The following MGA variants were observed in gnomAD, a reference collection of about 807,000 sequenced individuals.
MGA encodes the protein MAX gene-associated protein.
Under a neutral mutation model 261.1 loss-of-function variants are expected in MGA, and 40 were observed. That is an observed-to-expected ratio of 0.15 (90% CI 0.12 to 0.20). MGA has a LOEUF of 0.20. Ranked by LOEUF, MGA falls within the 10% of genes least tolerant of loss-of-function variation. The pLI is 1.00. For missense variants in MGA, 3,397 were observed against 3,630.5 expected, an observed-to-expected ratio of 0.94 and a Z score of 1.65; for synonymous variants, 1,302 against 1,290.6, an observed-to-expected ratio of 1.01 and a Z score of -0.19.
In MGA at chr15:41,711,369, T is replaced by G; in HGVS notation, c.3084+20T>G. ...GCTCAAGTAAGTAGCTGCTGTTTTC[T>G]GGAGGTATATTAGTGCTTGGCTAGA... On this transcript the variant is annotated intron_variant, in intron 8 of 23. Coordinates refer to ENST00000219905, the MANE Select transcript of MGA (RefSeq NM_001164273.2). The G allele has an allele frequency of 1.3e-6, 2 of 1,567,480 alleles. No homozygotes were observed. Among genetic ancestry groups the G allele is most frequent in the Non-Finnish European group, 1.7e-6 (2 of 1,159,046 alleles).
chr15:41,732,381 G>T (rs2695166), intron 11 of MGA, among the ~76,000 whole-genome samples: 1 of 151,966 alleles, frequency 6.6e-6, no homozygotes, highest in Non-Finnish European at 1.5e-5. Context: ...GTCTCCTGAC[G>T]TCGTGATCCG....
At chr15:41,723,512 C>G (rs2061065200) in intron 9 of MGA, among the ~76,000 whole-genome samples, 1 of 152,142 alleles carries the variant, frequency 6.6e-6, no homozygotes, top group Admixed American at 6.6e-5. Flanking sequence ...ATCTCCCTGG[C>G]TCAAGCGGTC....
intron 9 of MGA, among the ~76,000 whole-genome samples, chr15:41,716,584 A>G (rs2060650610): frequency 6.6e-6 from 1 of 152,200 alleles, no homozygotes; most frequent in Non-Finnish European, 1.5e-5. Context: ...GAAAAAATAT[A>G]AAAACTGGAA....
Position 41,766,451 on chromosome 15 carries a change from TGGA to T in MGA, c.8370_8372del (p.Met2790_Glu2791delinsIle), listed in dbSNP as rs767924595. ...GATCTCAAGGACTCAAGCATAGAGA[TGGA>T]ACTGAGGAAAGTAACATCAGCTATA... On this transcript the variant is annotated inframe_deletion, in exon 24 of 24. Coordinates refer to ENST00000219905, the MANE Select transcript of MGA (RefSeq NM_001164273.2). 4.3e-6 allele frequency: 7 copies of T among 1,613,962 alleles called. No homozygotes were observed. The South Asian group carries it at 7.7e-5, about 18-fold the overall frequency.
At chr15:41,694,729 G>C (rs1208069919) in intron 2 of MGA, among the ~76,000 whole-genome samples, 1 of 152,014 alleles carries the variant, frequency 6.6e-6, no homozygotes, top group East Asian at 1.9e-4. Context: ...AGCCAGGATG[G>C]TCTTGATCTC....
chr15:41,622,352 ATAATT>A (rs912421790), intron 1 of MGA, among the ~76,000 whole-genome samples: 33 of 152,126 alleles, frequency 2.2e-4, no homozygotes, highest in African/African-American at 7.5e-4. Context: ...TGCAGATAAA[ATAATT>A]TAACAAATTC....
intron 1 of MGA, among the ~76,000 whole-genome samples, chr15:41,637,732 C>T (rs2056738512): frequency 6.6e-6 from 1 of 151,870 alleles, no homozygotes; most frequent in Non-Finnish European, 1.5e-5. Context: ...TGTTAGGATA[C>T]TGGGATATGG....
chr15:41,668,786 A>G (rs2057902868), intron 1 of MGA, 42 bp from the exon 2 acceptor site: 2 of 692,938 alleles, frequency 2.9e-6, no homozygotes, highest in Non-Finnish European at 4.8e-6. Context: ...ACTTGATTAA[A>G]GGGTGTTTTT....
chr15:41,755,505 CA>C (rs1164503942), intron 18 of MGA, among the ~76,000 whole-genome samples: 5 of 152,050 alleles, frequency 3.3e-5, no homozygotes, highest in Admixed American at 1.3e-4. Context: ...TGGCAACAAA[CA>C]AAAACTCTAA....
intron 5 of MGA, among the ~76,000 whole-genome samples, chr15:41,699,876 T>C (rs1450425022): frequency 6.6e-6 from 1 of 152,118 alleles, no homozygotes; most frequent in Non-Finnish European, 1.5e-5. Flanking sequence ...TGCAAACATC[T>C]ATTTTATATA....
chr15:41,696,196 T>G lies in MGA; in HGVS notation c.1186T>G (p.Cys396Gly). The change falls in exon 3 of 24, where the codon TGC (cysteine) becomes GGC (glycine). Residue 396 changes from cysteine to glycine, a missense_variant. Physicochemically the swap from Cys to Gly is radical, Grantham distance 159. Transcript: ENST00000219905. The stretch of plus-strand genomic sequence containing the variant: ...TGATTATGACTACGAACTTGGTGAG[T>G]GCCCAGAAGGGGTCACTGTGAAACA... 6.2e-7 allele frequency: 1 copy of G among 1,613,796 alleles called. No homozygotes were observed. The highest frequency in any genetic ancestry group is 8.5e-7 in the Non-Finnish European group (1 of 1,179,860).
At chr15:41,717,680 A>G (rs1020917657) in intron 9 of MGA, among the ~76,000 whole-genome samples, 3 of 152,202 alleles carry the variant, frequency 2.0e-5, no homozygotes, top group Non-Finnish European at 4.4e-5. Context: ...GTTGAATTCT[A>G]TAAAACATTA....
intron 1 of MGA, among the ~76,000 whole-genome samples, chr15:41,622,835 A>T (rs537939854): frequency 6.6e-6 from 1 of 152,344 alleles, no homozygotes; most frequent in African/African-American, 2.4e-5. Context: ...ATTGGTGAAG[A>T]AAAGTATAAA....
chr15:41,745,145 T>A (rs1467772087), intron 15 of MGA, among the ~76,000 whole-genome samples: 1 of 152,004 alleles, frequency 6.6e-6, no homozygotes, highest in Non-Finnish European at 1.5e-5. Context: ...CCAAAGTGCT[T>A]AGGATTATTA....
At chr15:41,708,992 C>T (rs565017416) in intron 7 of MGA, among the ~76,000 whole-genome samples, 3 of 152,234 alleles carry the variant, frequency 2.0e-5, no homozygotes, top group Admixed American at 1.3e-4. Flanking sequence ...TTGATCTTTT[C>T]ACAGTATTTA....
Position 41,750,177 on chromosome 15 carries a change from A to G in MGA, c.6570A>G (p.Ser2190=), listed in dbSNP as rs1305698651. The G allele has an allele frequency of 6.2e-7, 1 of 1,613,970 alleles. No homozygotes were observed. Among genetic ancestry groups the G allele is most frequent in the South Asian group, 1.1e-5 (1 of 91,082 alleles). ...TAACCAGGAAATGTGTTGGAGCTTC[A>G]CAGGAATGTAAGAAAGAGGCAGACG... is the stretch of plus-strand genomic sequence containing the variant. The change falls in exon 17 of 24, where the codon TCA becomes TCG. Residue 2190 remains serine, a synonymous_variant. Coordinates refer to ENST00000219905, the MANE Select transcript of MGA (RefSeq NM_001164273.2).
At chr15:41,627,292 T>C (rs550685537) in intron 1 of MGA, among the ~76,000 whole-genome samples, 2 of 152,372 alleles carry the variant, frequency 1.3e-5, no homozygotes, top group Non-Finnish European at 2.9e-5. Flanking sequence ...TGTCACTTTC[T>C]TGTTTCACTA....
chr15:41,702,945 T>TC (rs1034900537), intron 5 of MGA, among the ~76,000 whole-genome samples: 1 of 136,648 alleles, frequency 7.3e-6, no homozygotes, highest in African/African-American at 2.6e-5. Context: ...CTATTTTTTT[T>TC]CCCCCCATTC....
At chr15:41,727,627 C>G (rs939260217) in intron 10 of MGA, among the ~76,000 whole-genome samples, 13 of 152,042 alleles carry the variant, frequency 8.6e-5, no homozygotes, top group Non-Finnish European at 2.9e-5. Flanking sequence ...TAACCATCTT[C>G]AAGAAGATCA....
Sources: gnomAD v4.1 joint callset for allele counts (sites outside exome capture counted in the v4.1 genomes callset) on GRCh38, gnomAD v4.1.1 for gene constraint, MANE v1.5 for transcripts, NCBI Gene and HGNC (gene_info 2026-07-23, HGNC 2026-07-21) for gene names.